DLGAP1: variants seen among roughly 807,000 people sequenced by gnomAD.
The protein encoded by DLGAP1 is DLG associated protein 1.
In DLGAP1, 11 loss-of-function variants were observed where a neutral mutation model predicts 90.8. The ratio of observed to expected loss-of-function variants is 0.12; its 90% CI spans 0.08 to 0.20. The LOEUF is 0.20. Ranked by LOEUF, DLGAP1 falls within the 10% of genes least tolerant of loss-of-function variation. DLGAP1 has a pLI of 1.00. For missense variants in DLGAP1, 1,050 were observed against 1,333.8 expected, an observed-to-expected ratio of 0.79 and a Z score of 3.31; for synonymous variants, 558 against 540.7, an observed-to-expected ratio of 1.03 and a Z score of -0.44.
chr18:4,439,314 C>A (rs916446311), intron 1 of DLGAP1, among the ~76,000 whole-genome samples: 1 of 152,356 alleles, frequency 6.6e-6, no homozygotes, highest in Non-Finnish European at 1.5e-5. Context: ...TTAAATCCAG[C>A]TCCTTCAACA....
chr18:3,575,703 T>A (rs551987343), intron 8 of DLGAP1, among the ~76,000 whole-genome samples: 215 of 152,182 alleles, frequency 1.4e-3, no homozygotes, highest in African/African-American at 4.9e-3. Flanking sequence ...ACAAAAAAAA[T>A]TTATCCTAAA....
rs181843523 is a variant in DLGAP1 at position 3,952,740 on chromosome 18, T to G, written c.-73+52376A>C. 1.2e-3 allele frequency among the ~76,000 whole-genome samples: 179 copies of G among 152,306 alleles called. 4 individuals are homozygous for G. The highest frequency in any genetic ancestry group is 1.3e-4 in the Non-Finnish European group (9 of 68,026). On this transcript the variant is annotated intron_variant, in intron 3 of 12. Transcript: ENST00000315677. Reference sequence around the variant, plus strand: ...AAAGATGTCTATTGAATGAAATAAGTGTATGAAAGATGTTAGAGGGTACTG... The same window carrying G: ...AAAGATGTCTATTGAATGAAATAAGGGTATGAAAGATGTTAGAGGGTACTG...
chr18:4,062,881 A>G (rs2075318113), intron 2 of DLGAP1, among the ~76,000 whole-genome samples: 1 of 152,082 alleles, frequency 6.6e-6, no homozygotes, highest in African/African-American at 2.4e-5. Context: ...GCTACAGCTT[A>G]GAAGAAACAA....
At chr18:4,398,257 T>C (rs530634338) in intron 1 of DLGAP1, among the ~76,000 whole-genome samples, 1 of 152,326 alleles carries the variant, frequency 6.6e-6, no homozygotes, top group South Asian at 2.1e-4. Context: ...AAACATCTAA[T>C]AGGAATTCCT....
intron 1 of DLGAP1, among the ~76,000 whole-genome samples, chr18:4,173,084 A>T (rs779198511): frequency 4.6e-5 from 7 of 152,256 alleles, no homozygotes; most frequent in Non-Finnish European, 8.8e-5. Context: ...AGAAATCCAC[A>T]TAATCAGTAC....
intron 7 of DLGAP1, among the ~76,000 whole-genome samples, chr18:3,589,036 A>G (rs780274835): frequency 1.3e-5 from 2 of 151,702 alleles, no homozygotes; most frequent in African/African-American, 2.4e-5. Context: ...ATATAAAAAA[A>G]AATTAACCCA....
chr18:4,101,329 A>G (rs55684470), intron 2 of DLGAP1, among the ~76,000 whole-genome samples: 44,875 of 151,916 alleles, frequency 0.3, 7,086 homozygotes, highest in African/African-American at 0.4. Context: ...TGAATGGAGG[A>G]GTCCGAACAC....
rs62087783 is a variant in DLGAP1 at position 4,404,070 on chromosome 18, G to T, written c.-267+50936C>A. 7.4e-3 allele frequency among the ~76,000 whole-genome samples: 1,125 copies of T among 152,262 alleles called. 10 individuals are homozygous for T. The highest frequency in any genetic ancestry group is 0.019 in the South Asian group (92 of 4,832). On this transcript the variant is annotated intron_variant, in intron 1 of 12. Coordinates refer to ENST00000315677, the MANE Select transcript of DLGAP1 (RefSeq NM_004746.4). ...ATCAGCGCCTGCAGAGATACCACAT[G>T]CCAGACACCAAAGTCACAGGACTTT... is the stretch of plus-strand genomic sequence containing the variant.
At chr18:3,975,969 G>A (rs796387828) in intron 3 of DLGAP1, among the ~76,000 whole-genome samples, 34 of 152,152 alleles carry the variant, frequency 2.2e-4, no homozygotes, top group African/African-American at 7.7e-4. Context: ...TTCCACTTGG[G>A]AAGACGAACA....
At chr18:4,057,762 C>T (rs7240710) in intron 2 of DLGAP1, among the ~76,000 whole-genome samples, 3,491 of 152,236 alleles carry the variant, frequency 0.023, 137 homozygotes, top group African/African-American at 0.077. Context: ...TGTATGGATT[C>T]GCCGCTGCTA....
intron 4 of DLGAP1, among the ~76,000 whole-genome samples, chr18:3,876,229 T>A (rs1463251218): frequency 6.6e-6 from 1 of 152,054 alleles, no homozygotes; most frequent in Non-Finnish European, 1.5e-5. Context: ...GAAGCCCAGT[T>A]CTCAGGAGGT....
chr18:3,639,353 C>T (rs1004351648), intron 7 of DLGAP1, among the ~76,000 whole-genome samples: 12 of 94,642 alleles, frequency 1.3e-4, no homozygotes, highest in Non-Finnish European at 2.4e-4. Context: ...GACTCCATCT[C>T]AAAAAGAGAA....
In DLGAP1 at chr18:4,155,937, A is replaced by C. The variant is rs148058927; in HGVS notation, c.-266-4650T>G. 3.4e-3 allele frequency among the ~76,000 whole-genome samples: 517 copies of C among 152,282 alleles called. 1 individual carries two copies. The highest frequency in any genetic ancestry group is 5.8e-3 in the Non-Finnish European group (392 of 68,024). On this transcript the variant is annotated intron_variant, in intron 1 of 12. Coordinates refer to ENST00000315677, the MANE Select transcript of DLGAP1 (RefSeq NM_004746.4). ...TGGAAAGCTTGTGAACCACCTGGAGACAGGCAACATTTGCTCCGACTCGGG... is the reference window on the plus strand; with the variant it reads ...TGGAAAGCTTGTGAACCACCTGGAGCCAGGCAACATTTGCTCCGACTCGGG...
At chr18:3,765,117 C>CTTTTTTTT (rs921982904) in intron 5 of DLGAP1, among the ~76,000 whole-genome samples, 4,069 of 125,792 alleles carry the variant, frequency 0.032, 361 homozygotes, top group East Asian at 0.067. Flanking sequence ...CACTTGCAAA[C>CTTTTTTTT]TTTTTTTTTT....
intron 1 of DLGAP1, among the ~76,000 whole-genome samples, chr18:4,347,014 G>A (rs959787848): frequency 2.6e-5 from 4 of 151,776 alleles, no homozygotes; most frequent in African/African-American, 9.7e-5. Flanking sequence ...GAAATAACAT[G>A]AAGAATTAGC....
chr18:4,249,973 A>G (rs567418622), intron 1 of DLGAP1, among the ~76,000 whole-genome samples: 1 of 152,360 alleles, frequency 6.6e-6, no homozygotes, highest in African/African-American at 2.4e-5. Flanking sequence ...TATGTCTGAT[A>G]GCCTTTAAGC....
chr18:3,846,325 GAATT>G (rs1483602364), intron 4 of DLGAP1, among the ~76,000 whole-genome samples: 1 of 152,054 alleles, frequency 6.6e-6, no homozygotes, highest in Non-Finnish European at 1.5e-5. Context: ...TTCCTCTACT[GAATT>G]AATAAAAGCA....
intron 3 of DLGAP1, among the ~76,000 whole-genome samples, chr18:3,920,759 C>T (rs114853944): frequency 0.076 from 2,840 of 37,336 alleles, 78 homozygotes; most frequent in African/African-American, 0.22. Flanking sequence ...GCGATCAATA[C>T]GCACATCTTA....
At chr18:3,582,843 T>TC (rs1267449482) in intron 7 of DLGAP1, among the ~76,000 whole-genome samples, 1 of 98,850 alleles carries the variant, frequency 1.0e-5, no homozygotes, top group African/African-American at 4.0e-5. Flanking sequence ...CTTTCCTCCC[T>TC]CCCCCCTCCC....
Sources: allele counts gnomAD v4.1 joint callset (sites outside exome capture counted in the v4.1 genomes callset), GRCh38; gene constraint gnomAD v4.1.1; transcripts MANE v1.5; gene names NCBI Gene and HGNC (gene_info 2026-07-23, HGNC 2026-07-21).